Variants in CDC16 observed in about 807,000 individuals in gnomAD.
The protein encoded by CDC16 is cell division cycle 16.
Under a neutral mutation model 87.0 loss-of-function variants are expected in CDC16, and 34 were observed. The observed-to-expected ratio is 0.39, with a 90% CI of 0.30 to 0.52. The LOEUF (loss-of-function observed/expected upper bound fraction) is 0.52. Among genes scored for constraint, CDC16 ranks in the 20% least tolerant of loss-of-function variants. CDC16 has a pLI of 0.74. For missense variants in CDC16, 653 were observed against 751.9 expected (o/e 0.87, Z 1.54); for synonymous variants, 263 against 260.6 (o/e 1.01, Z -0.09).
At chr13:114,266,803 C>T (rs1382978079) in intron 17 of CDC16, among the ~76,000 whole-genome samples, 4 of 152,044 alleles carry the variant, frequency 2.6e-5, no homozygotes, top group African/African-American at 7.2e-5. Context: ...TCATGCCATT[C>T]TCCTGCCTCA....
chr13:114,272,103 TAA>T (rs1162175030), intron 17 of CDC16, 79 bp from the exon 18 acceptor site: 1 of 771,008 alleles, frequency 1.3e-6, no homozygotes. Flanking sequence ...ACTTAAATGA[TAA>T]GAGATGGTGT....
chr13:114,260,806 C>CTGTG (rs1242826277), intron 14 of CDC16, among the ~76,000 whole-genome samples: 1 of 152,172 alleles, frequency 6.6e-6, no homozygotes, highest in Non-Finnish European at 1.5e-5. Flanking sequence ...TTCACATGGG[C>CTGTG]TGTGCCTCCT....
chr13:114,267,055 T>C (rs1261949313), intron 17 of CDC16, among the ~76,000 whole-genome samples: 4 of 152,148 alleles, frequency 2.6e-5, no homozygotes, highest in Admixed American at 2.6e-4. Flanking sequence ...TATTAATCTA[T>C]AGACAAAGGA....
At chr13:114,247,812 G>A (rs2081954058) in intron 11 of CDC16, among the ~76,000 whole-genome samples, 1 of 152,102 alleles carries the variant, frequency 6.6e-6, no homozygotes, top group Non-Finnish European at 1.5e-5. Context: ...GAAAGTGGAG[G>A]TTGCAGTGAG....
At chr13:114,239,080 T>C (rs1566634246) in intron 4 of CDC16, 52 bp downstream of exon 4, 6 of 1,596,464 alleles carry the variant, frequency 3.8e-6, no homozygotes, top group Non-Finnish European at 4.3e-6. Flanking sequence ...ATGAGTGTTA[T>C]GCATCTCTTA....
chr13:114,265,853 T>C (rs750236385), intron 17 of CDC16, among the ~76,000 whole-genome samples: 4 of 152,120 alleles, frequency 2.6e-5, no homozygotes, highest in Non-Finnish European at 5.9e-5. Flanking sequence ...TTCGCTCTTG[T>C]TGCCCAGGCT....
rs780024271 is a variant in CDC16, at chr13:114,246,985, C to A, written c.952C>A (p.His318Asn). Residue 318 changes from histidine (H) to asparagine (N), a missense_variant, in exon 11 of 18, where the codon CAT becomes AAT. Coordinates refer to ENST00000356221, the MANE Select transcript of CDC16 (RefSeq NM_001078645.3). ...TCTCATGGTCGGTCATAAAAATGAACATGCCAGAAGATATCTCAGGTATGA... is the reference window on the plus strand; with the variant it reads ...TCTCATGGTCGGTCATAAAAATGAAAATGCCAGAAGATATCTCAGGTATGA... ...YYLMVGHKNE[H>N]ARRYLSKATT... 1.9e-6 allele frequency: 3 copies of A among 1,611,246 alleles called. No homozygotes were observed. In the African/African-American group the frequency reaches 4.0e-5, roughly 22 times the overall value.
chr13:114,240,744 C>G (rs888927375), intron 5 of CDC16, among the ~76,000 whole-genome samples: 1 of 151,882 alleles, frequency 6.6e-6, no homozygotes, highest in Non-Finnish European at 1.5e-5. Context: ...ATTACACATT[C>G]TAGGTTTTTG....
chr13:114,251,302 C>A (rs1188898575), intron 12 of CDC16, among the ~76,000 whole-genome samples: 1 of 152,116 alleles, frequency 6.6e-6, no homozygotes, highest in Non-Finnish European at 1.5e-5. Context: ...TCTTCCACTC[C>A]CAGCCATGTG....
At chr13:114,239,858 G>C (rs1425468052) in intron 5 of CDC16, among the ~76,000 whole-genome samples, 1 of 151,976 alleles carries the variant, frequency 6.6e-6, no homozygotes, top group Non-Finnish European at 1.5e-5. Context: ...CCAGGAAATG[G>C]TTTTGTGTTC....
chr13:114,243,775 C>G, intron 7 of CDC16, 81 bp from the exon 8 acceptor site: 1 of 1,219,860 alleles, frequency 8.2e-7, no homozygotes, highest in Non-Finnish European at 1.2e-6. Context: ...GTTTTAACCA[C>G]TTGGGCCAAA....
Position 114,260,142 on chromosome 13 carries a change from A to G in CDC16, c.1314+744A>G, listed in dbSNP as rs553303299. Reference sequence around the variant, plus strand: ...TTACTGTTTGTGCACACCTGCCCACAGTTTTCTTCTCCCTTGGCTGTTAGC... The same window carrying G: ...TTACTGTTTGTGCACACCTGCCCACGGTTTTCTTCTCCCTTGGCTGTTAGC... On this transcript the variant is annotated intron_variant, in intron 14 of 17. Coordinates refer to ENST00000356221, the MANE Select transcript of CDC16 (RefSeq NM_001078645.3). Among the ~76,000 whole-genome samples the G allele has an allele frequency of 5.3e-5, 8 of 152,304 alleles. No homozygotes were observed. The East Asian group carries it at 1.2e-3, about 22-fold the overall frequency.
chr13:114,262,339 T>C (rs905836490), intron 15 of CDC16, among the ~76,000 whole-genome samples: 3 of 152,364 alleles, frequency 2.0e-5, no homozygotes, highest in Admixed American at 2.0e-4. Flanking sequence ...ATTTAACAAG[T>C]ATTTCTATTG....
intron 14 of CDC16, among the ~76,000 whole-genome samples, chr13:114,260,631 A>C (rs539087864): frequency 3.9e-5 from 6 of 152,390 alleles, no homozygotes; most frequent in South Asian, 4.1e-4. Context: ...AGAGTCTTAC[A>C]GAAACTTAAT....
intron 1 of CDC16, 22 bp from the exon 2 acceptor site, chr13:114,236,623 T>G: frequency 4.7e-6 from 1 of 214,344 alleles, no homozygotes; most frequent in Non-Finnish European, 8.1e-6. Flanking sequence ...AGTTACCACC[T>G]TTTTTTTTTT....
intron 13 of CDC16, among the ~76,000 whole-genome samples, chr13:114,258,178 TTAAAA>T (rs776269262): frequency 4.6e-5 from 7 of 152,214 alleles, no homozygotes; most frequent in Non-Finnish European, 8.8e-5. Flanking sequence ...GTTTGAAGCT[TTAAAA>T]TAAATAGTAA....
At chr13:114,259,137 CA>C (rs1316636553) in intron 13 of CDC16, among the ~76,000 whole-genome samples, 197 bp from the exon 14 acceptor site, 2 of 150,846 alleles carry the variant, frequency 1.3e-5, no homozygotes, top group Non-Finnish European at 3.0e-5. Flanking sequence ...CTGTATCTCC[CA>C]AAATCTTGAA....
intron 11 of CDC16, among the ~76,000 whole-genome samples, chr13:114,250,326 C>T (rs1594602306): frequency 1.3e-5 from 2 of 152,078 alleles, no homozygotes; most frequent in Admixed American, 1.3e-4. Flanking sequence ...AACCCCATCT[C>T]TACTGTGAAT....
At chr13:114,260,606 A>C (rs2082787253) in intron 14 of CDC16, among the ~76,000 whole-genome samples, 1 of 152,238 alleles carries the variant, frequency 6.6e-6, no homozygotes, top group Admixed American at 6.5e-5. Context: ...TTGATGATTA[A>C]GGGGCACTAA....
Sources: gnomAD v4.1 joint callset for allele counts (sites outside exome capture counted in the v4.1 genomes callset) on GRCh38, gnomAD v4.1.1 for gene constraint, MANE v1.5 for transcripts, NCBI Gene and HGNC (gene_info 2026-07-23, HGNC 2026-07-21) for gene names.